The following RARB variants were observed in gnomAD, a reference collection of about 807,000 sequenced individuals.
RARB encodes retinoic acid receptor beta, also known as HBV-activated protein.
In RARB, 17 loss-of-function variants were observed where a neutral mutation model predicts 51.9. That is an observed-to-expected ratio of 0.33 (90% confidence interval 0.22 to 0.49). The LOEUF is 0.49. Ranked by LOEUF, RARB falls within the 20% of genes least tolerant of loss-of-function variation. The probability of loss-of-function intolerance (pLI) is 0.99; values close to 1 mark genes in which losing one functional copy is unlikely to be tolerated. For missense variants in RARB, 369 were observed against 550.8 expected, an observed-to-expected ratio of 0.67 and a Z score of 3.30; for synonymous variants, 215 against 195.4, an observed-to-expected ratio of 1.10 and a Z score of -0.84.
chr3:25,242,320 T>C lies in RARB; in HGVS notation c.178+67745T>C, dbSNP rs1450667202. On this transcript the variant is annotated intron_variant, in intron 5 of 11. Coordinates refer to the RARB transcript ENST00000383772. ...AACTCTTTAGTTTAATTAGATCCCA[T>C]TTGGAAATTTTGGCTTTTGTTGACA... Among the ~76,000 whole-genome samples, 122 of 152,328 alleles carry C rather than the reference T, an allele frequency of 8.0e-4. 1 individual carries two copies. The highest frequency in any genetic ancestry group is 3.5e-4 in the Non-Finnish European group (24 of 68,032).
At chr3:25,110,931 A>G (rs1225485018) in intron 3 of RARB, among the ~76,000 whole-genome samples, 1 of 152,226 alleles carries the variant, frequency 6.6e-6, no homozygotes, top group African/African-American at 2.4e-5. Flanking sequence ...TGACATAAAT[A>G]GAGTGTATTT....
chr3:25,080,337 C>G (rs13325566), intron 3 of RARB, among the ~76,000 whole-genome samples: 173 of 152,262 alleles, frequency 1.1e-3, no homozygotes, highest in African/African-American at 4.0e-3. Context: ...TATATGTTAA[C>G]AAACACTTCA....
At chr3:25,322,612 TTTAA>T (rs1433199279) in intron 5 of RARB, among the ~76,000 whole-genome samples, 3 of 152,228 alleles carry the variant, frequency 2.0e-5, no homozygotes, top group Admixed American at 2.0e-4. Context: ...GGGACAATCT[TTTAA>T]TTAATTTTAT....
chr3:25,572,091 A>C (rs1700734712), intron 4 of RARB, among the ~76,000 whole-genome samples: 1 of 152,178 alleles, frequency 6.6e-6, no homozygotes, highest in South Asian at 2.1e-4. Flanking sequence ...TTGACCTAAG[A>C]AATGAGGGAA....
chr3:25,280,778 T>C (rs1703503637), intron 5 of RARB, among the ~76,000 whole-genome samples: 1 of 152,206 alleles, frequency 6.6e-6, no homozygotes, highest in East Asian at 1.9e-4. Flanking sequence ...TACTAAAATG[T>C]GACTTGATTT....
chr3:25,308,606 GC>G (rs1461720908), intron 5 of RARB, among the ~76,000 whole-genome samples: 1 of 151,906 alleles, frequency 6.6e-6, no homozygotes, highest in African/African-American at 2.4e-5. Context: ...GCATTGCCAT[GC>G]CTGGCTAATT....
chr3:25,504,131 C>T (rs976222213), intron 3 of RARB, among the ~76,000 whole-genome samples: 1 of 152,226 alleles, frequency 6.6e-6, no homozygotes, highest in Admixed American at 6.5e-5. Context: ...GCTTAAGCTA[C>T]ACAACTCTAC....
At chr3:25,176,314 T>TTTCTTTCTTTCTTTCC (rs1700744069) in intron 5 of RARB, among the ~76,000 whole-genome samples, 2 of 32,010 alleles carry the variant, frequency 6.2e-5, no homozygotes, top group Non-Finnish European at 1.4e-4. Flanking sequence ...TCTTTCTTTC[T>TTTCTTTCTTTCTTTCC]TTCTTTCTTT....
intron 5 of RARB, among the ~76,000 whole-genome samples, chr3:25,267,964 T>A (rs1703163746): frequency 6.6e-6 from 1 of 152,196 alleles, no homozygotes; most frequent in Non-Finnish European, 1.5e-5. Flanking sequence ...TTGGATAATC[T>A]CTCTCAAGGT....
At chr3:25,478,710 G>T (rs1046497261) in intron 2 of RARB, among the ~76,000 whole-genome samples, 2 of 152,216 alleles carry the variant, frequency 1.3e-5, no homozygotes, top group African/African-American at 4.8e-5. Flanking sequence ...GAAGGCCCAT[G>T]TGACACCTGG....
intron 3 of RARB, among the ~76,000 whole-genome samples, chr3:25,538,684 C>T (rs978596136): frequency 2.0e-5 from 3 of 152,148 alleles, no homozygotes; most frequent in Non-Finnish European, 4.4e-5. Context: ...AAGTATTTGT[C>T]CATGATAAAT....
At chr3:25,183,714 T>C (rs1259429615) in intron 5 of RARB, among the ~76,000 whole-genome samples, 2 of 152,208 alleles carry the variant, frequency 1.3e-5, no homozygotes, top group African/African-American at 4.8e-5. Flanking sequence ...TCGTACAAAC[T>C]TACATATTGA....
intron 5 of RARB, among the ~76,000 whole-genome samples, chr3:25,347,331 G>A (rs748093009): frequency 5.3e-5 from 8 of 152,250 alleles, no homozygotes; most frequent in South Asian, 4.2e-4. Context: ...CCTTCATGGC[G>A]GACTTGACCA....
chr3:25,329,666 G>A lies in RARB; in HGVS notation c.179-131527G>A, dbSNP rs541281888. Among the ~76,000 whole-genome samples, 264 of 152,310 alleles carry A rather than the reference G, an allele frequency of 1.7e-3. 1 individual carries two copies. The highest frequency in any genetic ancestry group is 5.8e-3 in the African/African-American group (242 of 41,568). ...ACAAAGCTGGATGGAGAATGACTTT[G>A]ATGAGTTGAGAGAAGAAGACTTCAG... On this transcript the variant is annotated intron_variant, in intron 5 of 11. Transcript: ENST00000383772.
chr3:24,974,348 T>G (rs1696464584), intron 2 of RARB, among the ~76,000 whole-genome samples: 1 of 152,176 alleles, frequency 6.6e-6, no homozygotes, highest in African/African-American at 2.4e-5. Context: ...AGTATTTTAT[T>G]GAGGATTCTT....
intron 5 of RARB, among the ~76,000 whole-genome samples, chr3:25,177,372 A>G (rs1415320138): frequency 6.6e-6 from 1 of 152,224 alleles, no homozygotes; most frequent in Admixed American, 6.5e-5. Flanking sequence ...CTCAATAACT[A>G]GCAACACACA....
At chr3:24,913,036 A>T (rs1281637558) in intron 2 of RARB, among the ~76,000 whole-genome samples, 1 of 122,340 alleles carries the variant, frequency 8.2e-6, no homozygotes, top group South Asian at 2.7e-4. Flanking sequence ...GCTGGAGTGC[A>T]GTGGCGCCTT....
At chr3:24,952,759 TAG>T (rs1207267503) in intron 2 of RARB, among the ~76,000 whole-genome samples, 1 of 148,520 alleles carries the variant, frequency 6.7e-6, no homozygotes, top group East Asian at 1.9e-4. Context: ...CTTTCCCTGA[TAG>T]ATTCATTACA....
chr3:25,057,720 A>G (rs1276336213), intron 2 of RARB, among the ~76,000 whole-genome samples: 2 of 152,016 alleles, frequency 1.3e-5, no homozygotes, highest in Non-Finnish European at 2.9e-5. Flanking sequence ...TTTTAAGAAT[A>G]TGATGAGTCC....
Sources: allele counts gnomAD v4.1 joint callset (sites outside exome capture counted in the v4.1 genomes callset), GRCh38; gene constraint gnomAD v4.1.1; transcripts MANE v1.5; gene names NCBI Gene and HGNC (gene_info 2026-07-23, HGNC 2026-07-21).